The following SPON2 variants were observed in gnomAD, a reference collection of about 807,000 sequenced individuals.
SPON2 encodes spondin 2.
In SPON2, 32 loss-of-function variants were observed where a neutral mutation model predicts 29.9. The observed-to-expected ratio is 1.07, with a 90% CI of 0.81 to 1.44. The LOEUF (loss-of-function observed/expected upper bound fraction) is 1.44, where lower values mean the gene tolerates loss of function less well. Ranked by LOEUF, SPON2 falls within the 40% of genes most tolerant of loss-of-function variation. SPON2 has a pLI of 0.00. For missense variants in SPON2, 541 were observed against 455.5 expected (o/e 1.19, Z -1.71); for synonymous variants, 248 against 209.1 (o/e 1.19, Z -1.61).
intron 1 of SPON2, chr4:1,194,961 G>GGCCTC (rs1372883257): frequency 2.6e-4 from 37 of 141,558 alleles, no homozygotes; most frequent in East Asian, 8.3e-4. Flanking sequence ...CGCAGCCGGC[G>GGCCTC]ACTCCAACCC....
rs559220477 is a variant in SPON2 at position 1,181,434 on chromosome 4, C to T, written c.-238-1893G>A. ...AGTAACTCAAAACCACATGAAGAAA[C>T]AAAGAGCACTGGTAAAGGCAGTGAC... On this transcript the variant is annotated intron_variant, in intron 1 of 3. Coordinates refer to the SPON2 transcript ENST00000502483. Among the ~76,000 whole-genome samples, 3 of 152,222 alleles carry T rather than the reference C, an allele frequency of 2.0e-5. No individual in the cohort carries two copies. The South Asian group carries it at 6.2e-4, about 32-fold the overall frequency.
rs868207106 is a variant in SPON2 at position 1,200,310 on chromosome 4, C to G, written c.-234+7570G>C. On this transcript the variant is annotated intron_variant, in intron 1 of 3. Transcript: ENST00000509233. Reference sequence around the variant, plus strand: ...GCTCCACGGACAGTTGAGAAGGCGTCCAGCCTGCAGAACGGAGTCCAGGAC... The same window carrying G: ...GCTCCACGGACAGTTGAGAAGGCGTGCAGCCTGCAGAACGGAGTCCAGGAC... Among the ~76,000 whole-genome samples the G allele has an allele frequency of 2.0e-5, 3 of 152,298 alleles. No individual in the cohort carries two copies. In the South Asian group the frequency reaches 6.2e-4, roughly 32 times the overall value.
chr4:1,198,270 C>T (rs1728116194), upstream of SPON2, among the ~76,000 whole-genome samples: 1 of 152,106 alleles, frequency 6.6e-6, no homozygotes, highest in Non-Finnish European at 1.5e-5. Flanking sequence ...ATGAGCGGCA[C>T]CACGCAGAGA....
upstream of SPON2, among the ~76,000 whole-genome samples, chr4:1,196,132 G>A (rs896142487): frequency 4.6e-5 from 7 of 152,162 alleles, no homozygotes; most frequent in Non-Finnish European, 7.3e-5. Context: ...TGTGAACCAC[G>A]AAGCACATCG....
chr4:1,182,084 C>A (rs749849632), intron 1 of SPON2, among the ~76,000 whole-genome samples: 1 of 152,036 alleles, frequency 6.6e-6, no homozygotes, highest in Non-Finnish European at 1.5e-5. Context: ...ACAACAACAA[C>A]AAAATGTAAC....
At chr4:1,192,487 C>G (rs960616115) in intron 1 of SPON2, among the ~76,000 whole-genome samples, 7 of 152,226 alleles carry the variant, frequency 4.6e-5, no homozygotes, top group Admixed American at 4.6e-4. Context: ...ACTCAGTTGC[C>G]ATTTTCGGAT....
At chr4:1,203,614 T>A (rs1048099627) in intron 1 of SPON2, among the ~76,000 whole-genome samples, 5 of 152,146 alleles carry the variant, frequency 3.3e-5, no homozygotes, top group Admixed American at 3.3e-4. Flanking sequence ...CTCGGGGACG[T>A]GTACCCAGGA....
chr4:1,176,842 C>G (rs1727611703), upstream of SPON2, among the ~76,000 whole-genome samples: 1 of 151,600 alleles, frequency 6.6e-6, no homozygotes, highest in Non-Finnish European at 1.5e-5. Context: ...TCACACAGTT[C>G]ATTCACACAC....
upstream of SPON2, among the ~76,000 whole-genome samples, chr4:1,196,157 G>A (rs911158709): frequency 2.0e-5 from 3 of 152,158 alleles, no homozygotes; most frequent in Admixed American, 6.5e-5. Flanking sequence ...GGTGCCTAGC[G>A]CCCCGCCTCA....
intron 1 of SPON2, among the ~76,000 whole-genome samples, chr4:1,179,750 A>G (rs1727671932): frequency 6.6e-6 from 1 of 152,170 alleles, no homozygotes; most frequent in South Asian, 2.1e-4. Flanking sequence ...CCTGAGCTGG[A>G]GCTCTTTCAA....
chr4:1,170,518 G>T lies in SPON2; in HGVS notation c.695C>A (p.Ala232Asp). 6.2e-7 allele frequency: 1 copy of T among 1,613,994 alleles called. No individual in the cohort carries two copies. Among genetic ancestry groups the T allele is most frequent in the Non-Finnish European group, 8.5e-7 (1 of 1,179,918 alleles). The change falls in exon 5 of 6, where the codon GCC becomes GAC. Residue 232 changes from alanine to aspartate, a missense_variant. Ala to Asp is a moderately radical substitution (Grantham distance 126). Transcript: ENST00000290902. Reference protein sequence around the residue: ...ANSFYYPRLKALPPIARVTLV... With the variant: ...ANSFYYPRLKDLPPIARVTLV... ...TGTCACCCTGGCGATGGGAGGCAGG[G>T]CCTTCAGCCGCGGGTAGTAGAAGGA...
At chr4:1,170,938 C>A in intron 4 of SPON2, 61 bp downstream of exon 4, 2 of 1,540,328 alleles carry the variant, frequency 1.3e-6, no homozygotes, top group Non-Finnish European at 1.8e-6. Flanking sequence ...CAGCCAGGCC[C>A]CAGCCCCGTC....
intron 1 of SPON2, among the ~76,000 whole-genome samples, chr4:1,183,898 G>C (rs1419375800): frequency 1.3e-5 from 2 of 152,016 alleles, no homozygotes; most frequent in African/African-American, 4.8e-5. Context: ...AAAAAATGGA[G>C]GACAAAAAAC....
At chr4:1,169,816 C>T (rs1238235194) in intron 5 of SPON2, 1 of 158,144 alleles carries the variant, frequency 6.3e-6, no homozygotes, top group Non-Finnish European at 1.4e-5. Context: ...CAATGCGCTC[C>T]AGACCACAGG....
At chr4:1,185,705 C>A (rs113508345) in intron 1 of SPON2, among the ~76,000 whole-genome samples, 1 of 2,282 alleles carries the variant, frequency 4.4e-4, no homozygotes, top group Non-Finnish European at 0.017. Flanking sequence ...GAGACTCCAT[C>A]TCCAAAAAAA....
chr4:1,170,148 A>C, intron 5 of SPON2: 2 of 448,264 alleles, frequency 4.5e-6, no homozygotes, highest in Non-Finnish European at 8.0e-6. Context: ...TCTCTCAGGT[A>C]CTGTCTGGAG....
chr4:1,191,639 C>A (rs1047638814), intron 1 of SPON2, among the ~76,000 whole-genome samples: 1 of 152,154 alleles, frequency 6.6e-6, no homozygotes, highest in Non-Finnish European at 1.5e-5. Flanking sequence ...CCTCCTCTCA[C>A]ACCTTGGCTC....
chr4:1,201,337 C>T (rs1187889777), intron 1 of SPON2: 1 of 347,038 alleles, frequency 2.9e-6, no homozygotes, highest in Middle Eastern at 1.0e-3. Context: ...CCCTTGCTCG[C>T]TTCCCTGAAG....
chr4:1,186,108 G>A (rs1727796452), intron 1 of SPON2, among the ~76,000 whole-genome samples: 1 of 150,434 alleles, frequency 6.6e-6, no homozygotes, highest in Admixed American at 6.6e-5. Context: ...GCCGGGCGTG[G>A]TGGTGGGCGC....
Sources: gnomAD v4.1 joint callset for allele counts (sites outside exome capture counted in the v4.1 genomes callset) on GRCh38, gnomAD v4.1.1 for gene constraint, MANE v1.5 for transcripts, NCBI Gene and HGNC (gene_info 2026-07-23, HGNC 2026-07-21) for gene names.